IL1RAPL2: variants seen among roughly 807,000 people sequenced by gnomAD.
The protein encoded by IL1RAPL2 is interleukin 1 receptor accessory protein like 2.
In IL1RAPL2, 3 loss-of-function variants were observed where a neutral mutation model predicts 44.1. The ratio of observed to expected loss-of-function variants is 0.07; its 90% CI spans 0.03 to 0.18. IL1RAPL2 has a LOEUF of 0.18. IL1RAPL2 is among the 10% of genes least tolerant of loss of function. The pLI, the probability that IL1RAPL2 is intolerant of heterozygous loss-of-function variation, is 1.00. For synonymous variants in IL1RAPL2, 181 were observed against 178.8 expected (o/e 1.01, Z -0.10); for missense variants, 391 against 496.4 (o/e 0.79, Z 2.02).
chrX:105,727,991 G>A (rs774644809), intron 7 of IL1RAPL2, among the ~76,000 whole-genome samples: 6 of 111,243 alleles, frequency 5.4e-5, no homozygotes, highest in Non-Finnish European at 1.1e-4. Flanking sequence ...CCACAGTGGT[G>A]CATTTGTTGT....
chrX:105,006,120 T>A (rs1470450429), intron 2 of IL1RAPL2, among the ~76,000 whole-genome samples: 2 of 110,955 alleles, frequency 1.8e-5, no homozygotes, highest in Non-Finnish European at 3.8e-5. Context: ...GATTATATGA[T>A]GTATTATCAT....
intron 2 of IL1RAPL2, among the ~76,000 whole-genome samples, chrX:104,825,986 A>G (rs1286270935): frequency 3.6e-5 from 4 of 111,985 alleles, no homozygotes; most frequent in Non-Finnish European, 7.5e-5. Context: ...TGACTGAAAC[A>G]GCTGGGATGA....
At chrX:105,616,174 A>G (rs1365172236) in intron 6 of IL1RAPL2, among the ~76,000 whole-genome samples, 1 of 111,924 alleles carries the variant, frequency 8.9e-6, no homozygotes, top group African/African-American at 3.2e-5. Context: ...GCCTTGGTGA[A>G]TGAAATATTC....
intron 2 of IL1RAPL2, among the ~76,000 whole-genome samples, chrX:105,192,459 A>C (rs2033640589): frequency 9.0e-6 from 1 of 111,318 alleles, no homozygotes; most frequent in East Asian, 2.8e-4. Context: ...CAAATCTAAA[A>C]ATAAATGTGC....
At chrX:104,647,326 G>A in intron 1 of IL1RAPL2, 1 of 465,555 alleles carries the variant, frequency 2.1e-6, no homozygotes, top group South Asian at 2.5e-5. Flanking sequence ...CCAGTGAGTT[G>A]GGGATCAGCT....
intron 2 of IL1RAPL2, among the ~76,000 whole-genome samples, chrX:104,790,964 G>A (rs1932822572): frequency 1.8e-5 from 2 of 111,630 alleles, no homozygotes. Flanking sequence ...GCCAGTCACT[G>A]CTCTAAGTAC....
rs1260049640 is a variant in IL1RAPL2, at chrX:105,105,650, G to C, written c.83-89825G>C. On this transcript the variant is annotated intron_variant, in intron 2 of 10. Coordinates refer to ENST00000372582, the MANE Select transcript of IL1RAPL2 (RefSeq NM_017416.2). ...GCTAAGGCCAGATCTAGGGCTTCTG[G>C]CTTCCAGGCCAGTTTTCTTTGATGT... Among the ~76,000 whole-genome samples, 3 of 112,240 alleles carry C rather than the reference G, an allele frequency of 2.7e-5. No individual in the cohort carries two copies. The East Asian group carries it at 8.4e-4, about 32-fold the overall frequency.
chrX:105,052,925 C>T (rs1272546552), intron 2 of IL1RAPL2, among the ~76,000 whole-genome samples: 1 of 110,684 alleles, frequency 9.0e-6, no homozygotes, highest in Non-Finnish European at 1.9e-5. Flanking sequence ...TCTCTGTGTC[C>T]AAGTGTTCTG....
intron 6 of IL1RAPL2, among the ~76,000 whole-genome samples, chrX:105,490,108 A>G (rs1602435568): frequency 8.9e-6 from 1 of 111,743 alleles, no homozygotes; most frequent in Admixed American, 9.6e-5. Context: ...GATTACAGGC[A>G]TGAGCCATCG....
At chrX:105,765,042 A>G (rs1275244796) in intron 10 of IL1RAPL2, 1 of 112,014 alleles carries the variant, frequency 8.9e-6, no homozygotes, top group Non-Finnish European at 1.9e-5. Context: ...TAATGAATTC[A>G]TAATTCACCT....
intron 2 of IL1RAPL2, among the ~76,000 whole-genome samples, chrX:104,791,232 C>A (rs1186753397): frequency 9.7e-6 from 1 of 102,773 alleles, no homozygotes; most frequent in Non-Finnish European, 2.0e-5. Context: ...CTCTCCACCC[C>A]CACCCCTCCC....
chrX:104,995,714 GT>G (rs1314251436), intron 2 of IL1RAPL2, among the ~76,000 whole-genome samples: 1 of 111,836 alleles, frequency 8.9e-6, no homozygotes, highest in Non-Finnish European at 1.9e-5. Context: ...ACTTTTCTGT[GT>G]GTTGACATCT....
chrX:105,086,632 C>T (rs2032482726), intron 2 of IL1RAPL2, among the ~76,000 whole-genome samples: 1 of 110,221 alleles, frequency 9.1e-6, no homozygotes, highest in Non-Finnish European at 1.9e-5. Context: ...GTTCTTACCA[C>T]AAAAAGTGAT....
At chrX:104,980,011 C>T (rs1207354396) in intron 2 of IL1RAPL2, among the ~76,000 whole-genome samples, 3 of 111,786 alleles carry the variant, frequency 2.7e-5, no homozygotes, top group Non-Finnish European at 3.8e-5. Flanking sequence ...TGTATGCAGA[C>T]GCATGTTCAA....
At chrX:105,267,612 T>TCCTTTC in intron 5 of IL1RAPL2, 71 bp downstream of exon 5, 1 of 831,017 alleles carries the variant, frequency 1.2e-6, no homozygotes, top group African/African-American at 2.1e-5. Flanking sequence ...AGCAAGAGTT[T>TCCTTTC]TGTTCAAAGA....
intron 2 of IL1RAPL2, among the ~76,000 whole-genome samples, chrX:104,850,298 T>C (rs1472090881): frequency 1.8e-5 from 2 of 111,821 alleles, no homozygotes; most frequent in South Asian, 3.7e-4. Context: ...ACTGGCTGAA[T>C]TGTATAAGGA....
chrX:105,670,105 G>GTATATATATAGATATA (rs2037805477), intron 6 of IL1RAPL2, among the ~76,000 whole-genome samples: 1 of 11,684 alleles, frequency 8.6e-5, no homozygotes. Context: ...TGGGTTTCCT[G>GTATATATATAGATATA]TATATATATA....
At chrX:104,820,026 T>TA (rs936707504) in intron 2 of IL1RAPL2, among the ~76,000 whole-genome samples, 1 of 111,584 alleles carries the variant, frequency 9.0e-6, no homozygotes, top group South Asian at 3.8e-4. Flanking sequence ...ATAGAAATCT[T>TA]AAATATATGA....
chrX:105,354,377 T>C (rs1405897620), intron 5 of IL1RAPL2, among the ~76,000 whole-genome samples: 1 of 108,199 alleles, frequency 9.2e-6, no homozygotes, highest in South Asian at 4.2e-4. Context: ...CTGGAAACCA[T>C]CATTCTCAGC....
Sources: allele counts gnomAD v4.1 joint callset (sites outside exome capture counted in the v4.1 genomes callset), GRCh38; gene constraint gnomAD v4.1.1; transcripts MANE v1.5; gene names NCBI Gene and HGNC (gene_info 2026-07-23, HGNC 2026-07-21).